AIMP2: variants seen among roughly 807,000 people sequenced by gnomAD.
The protein encoded by AIMP2 is aminoacyl tRNA synthase complex-interacting multifunctional protein 2.
Under a neutral mutation model 23.4 loss-of-function variants are expected in AIMP2, and 20 were observed. That is an observed-to-expected ratio of 0.85 (90% CI 0.60 to 1.24). The LOEUF is 1.24. AIMP2 is among the 50% of genes most tolerant of loss of function. The pLI, the probability that AIMP2 is intolerant of heterozygous loss-of-function variation, is 0.00. For synonymous variants in AIMP2, 210 were observed against 170.4 expected (o/e 1.23, Z -1.81); for missense variants, 515 against 414.5 (o/e 1.24, Z -2.10).
Position 6,009,573 on chromosome 7 carries a change from G to A in AIMP2, c.135+75G>A, listed in dbSNP as rs1469731494. 21 of 1,324,550 alleles carry A rather than the reference G, an allele frequency of 1.6e-5. No individual in the cohort carries two copies. In the South Asian group the frequency reaches 2.8e-4, roughly 18 times the overall value. 82.0% of individuals were successfully genotyped at this position (1,324,550 alleles called of 1,614,324 possible). On this transcript the variant is annotated intron_variant, in intron 1 of 3. Coordinates refer to ENST00000223029, the MANE Select transcript of AIMP2 (RefSeq NM_006303.4). ...CTGGCCCGGGTCCCCCCAGGCCGGA[G>A]CGAGCGCGTCCCAACCGGTTCACGG...
intron 1 of AIMP2, among the ~76,000 whole-genome samples, chr7:6,013,514 G>T (rs1466278949): frequency 6.6e-6 from 1 of 152,086 alleles, no homozygotes; most frequent in East Asian, 1.9e-4. Context: ...GCCCCTCTCG[G>T]CCTCCCAAAG....
chr7:6,011,526 C>T (rs905838666), intron 1 of AIMP2, among the ~76,000 whole-genome samples: 2 of 152,192 alleles, frequency 1.3e-5, no homozygotes, highest in Non-Finnish European at 2.9e-5. Flanking sequence ...CCATTTCTGA[C>T]ACAAGATGGG....
In AIMP2 at chr7:6,015,773, C is replaced by T. The variant is rs546302267; in HGVS notation, c.342+421C>T. Among the ~76,000 whole-genome samples, 35 of 152,348 alleles carry T rather than the reference C, an allele frequency of 2.3e-4. 1 individual carries two copies. Among genetic ancestry groups the T allele is most frequent in the African/African-American group, 7.7e-4 (32 of 41,586 alleles). ...TGGTTTTCAAAGGCAGAGCCAAGAG[C>T]ATGTTCATATTTTTTTCTTCTCTAA... On this transcript the variant is annotated intron_variant, in intron 2 of 3. Transcript: ENST00000223029.
At chr7:6,019,970 T>G (rs1201863445) in intron 3 of AIMP2, among the ~76,000 whole-genome samples, 2 of 143,282 alleles carry the variant, frequency 1.4e-5, no homozygotes, top group African/African-American at 5.3e-5. Context: ...TGCAGTCAGC[T>G]GAAGTCGCAC....
At chr7:6,022,524 AT>A (rs1787501025) in intron 3 of AIMP2, 1 of 152,274 alleles carries the variant, frequency 6.6e-6, no homozygotes, top group South Asian at 2.1e-4. Flanking sequence ...GGTTTAGGAC[AT>A]TCTGTGGCAT....
chr7:6,014,715 A>T (rs1210089433), intron 1 of AIMP2, among the ~76,000 whole-genome samples: 3 of 148,910 alleles, frequency 2.0e-5, no homozygotes, highest in East Asian at 2.0e-4. Flanking sequence ...GTCTTCTTTT[A>T]TTTTTTTTTA....
intron 1 of AIMP2, among the ~76,000 whole-genome samples, chr7:6,012,517 C>T (rs985649724): frequency 1.4e-4 from 22 of 152,228 alleles, no homozygotes; most frequent in African/African-American, 5.3e-4. Context: ...TCACAAGCCA[C>T]GTTACACATA....
intron 1 of AIMP2, chr7:6,014,859 ACAGTTG>A: frequency 5.3e-6 from 2 of 374,220 alleles, no homozygotes; most frequent in Non-Finnish European, 9.5e-6. Context: ...AGCTGGGATT[ACAGTTG>A]CGTGCCACCA....
In AIMP2 at chr7:6,023,731, T is replaced by G; in HGVS notation, c.*40T>G. 6.2e-7 allele frequency: 1 copy of G among 1,614,084 alleles called. No homozygotes were observed. The highest frequency in any genetic ancestry group is 8.5e-7 in the Non-Finnish European group (1 of 1,179,980). On this transcript the variant is annotated 3_prime_UTR_variant, in exon 4 of 4. Coordinates refer to ENST00000223029, the MANE Select transcript of AIMP2 (RefSeq NM_006303.4). ...TTTTAAAGGGTTTAGATTTTAAGAATGGTGCTCTTTCATGCCTATTATCAG... is the reference window on the plus strand; with the variant it reads ...TTTTAAAGGGTTTAGATTTTAAGAAGGGTGCTCTTTCATGCCTATTATCAG...
chr7:6,015,389 C>T, intron 2 of AIMP2, 37 bp downstream of exon 2: 18 of 1,602,682 alleles, frequency 1.1e-5, no homozygotes, highest in Non-Finnish European at 1.5e-5. Flanking sequence ...TTAGTAGGTA[C>T]TGAGTGGTTA....
At chr7:6,009,974 A>AAAAAAAAAAAATATATAT in intron 1 of AIMP2, among the ~76,000 whole-genome samples, 14 of 26,654 alleles carry the variant, frequency 5.3e-4, no homozygotes, top group Non-Finnish European at 8.2e-4. Context: ...AAAAAAAAAA[A>AAAAAAAAAAAATATATAT]ATATATATAT....
chr7:6,013,508 C>A (rs575334675), intron 1 of AIMP2, among the ~76,000 whole-genome samples: 1 of 152,132 alleles, frequency 6.6e-6, no homozygotes, highest in South Asian at 2.1e-4. Flanking sequence ...TGATCTGCCC[C>A]TCTCGGCCTC....
chr7:6,021,701 G>GA (rs1274253478), intron 3 of AIMP2, among the ~76,000 whole-genome samples: 1 of 152,158 alleles, frequency 6.6e-6, no homozygotes, highest in Non-Finnish European at 1.5e-5. Flanking sequence ...AGACCTAGGA[G>GA]AAGCCGGGCT....
chr7:6,018,974 C>T (rs1444102347), intron 3 of AIMP2, among the ~76,000 whole-genome samples: 1 of 150,542 alleles, frequency 6.6e-6, no homozygotes. Flanking sequence ...ACCTTACACA[C>T]ACACACACAC....
intron 1 of AIMP2, among the ~76,000 whole-genome samples, chr7:6,014,318 T>G (rs1015873422): frequency 1.5e-5 from 2 of 133,986 alleles, no homozygotes. Flanking sequence ...AGTTCAGTGG[T>G]GCGATCTTGG....
intron 1 of AIMP2, among the ~76,000 whole-genome samples, chr7:6,014,441 A>G (rs1786890061): frequency 6.6e-6 from 1 of 151,556 alleles, no homozygotes; most frequent in African/African-American, 2.4e-5. Flanking sequence ...TATTTTTAGT[A>G]GAAACAGGGT....
In AIMP2 at chr7:6,017,959, A is replaced by C; in HGVS notation, c.488A>C (p.Glu163Ala). Residue 163 changes from glutamate (E) to alanine (A), a missense_variant, in exon 3 of 4, where the codon GAA (glutamate) becomes GCA (alanine). By Grantham distance (107) the Glu-to-Ala change is moderately radical (BLOSUM62 -1). Coordinates refer to ENST00000223029, the MANE Select transcript of AIMP2 (RefSeq NM_006303.4). ...HTHSSVKSVP[E>A]NLLKCFGEQN... ...CACTCCTCGGTCAAGAGCGTGCCTG[A>C]AAACCTTCTCAAGTGCTTTGGAGAA... The C allele has an allele frequency of 1.2e-6, 2 of 1,614,038 alleles. No homozygotes were observed. The highest frequency in any genetic ancestry group is 8.5e-7 in the Non-Finnish European group (1 of 1,180,006).
rs1466913701 is a variant in AIMP2 at position 6,016,920 on chromosome 7, A to T, written c.343-894A>T. The stretch of plus-strand genomic sequence containing the variant: ...ACAGGCCCATCCCCCTGGACCTCTC[A>T]TAGTGCCCCATGCCAGAGCAAACTG... On this transcript the variant is annotated intron_variant, in intron 2 of 3. Transcript: ENST00000223029. 11 of 162,302 alleles carry T rather than the reference A, an allele frequency of 6.8e-5. No homozygotes were observed. In the East Asian group the frequency reaches 1.5e-3, roughly 21 times the overall value. The allele number at this position is 162,302 out of a possible 1,614,324, so 10.1% of individuals were successfully genotyped here. A position where few individuals can be genotyped will look rare whatever the true frequency, so the allele number is the denominator to read the frequency against.
In AIMP2 at chr7:6,023,684, T is replaced by C. The variant is rs1562736624; in HGVS notation, c.956T>C (p.Leu319Pro). The C allele has an allele frequency of 6.2e-7, 1 of 1,614,176 alleles. No individual in the cohort carries two copies. The highest frequency in any genetic ancestry group is 8.5e-7 in the Non-Finnish European group (1 of 1,180,034). The change falls in exon 4 of 4, where the codon CTT becomes CCT. Residue 319 changes from leucine (L) to proline (P), a missense_variant. Transcript: ENST00000223029. ...CCTTTTAACACGGCCCTCAAGCTCC[T>C]TAAGTGAATTGCCGTAACTGATTTT... Reference protein sequence around the residue: ...LAPFNTALKLLK With the variant: ...LAPFNTALKLPK
Sources: gnomAD v4.1 joint callset for allele counts (sites outside exome capture counted in the v4.1 genomes callset) on GRCh38, gnomAD v4.1.1 for gene constraint, MANE v1.5 for transcripts, NCBI Gene and HGNC (gene_info 2026-07-23, HGNC 2026-07-21) for gene names.